The following ZNF831 variants were observed in gnomAD, a reference collection of about 807,000 sequenced individuals.
The protein encoded by ZNF831 is chromosome 20 open reading frame 174.
ZNF831 carries 59 observed loss-of-function variants against 95.8 expected under a neutral mutation model. That is an observed-to-expected ratio of 0.62 (90% confidence interval 0.50 to 0.77). The LOEUF (loss-of-function observed/expected upper bound fraction) is 0.77, where lower values mean the gene tolerates loss of function less well. Ranked by LOEUF, ZNF831 falls within the 30% of genes least tolerant of loss-of-function variation. ZNF831 has a pLI of 0.00. For missense variants in ZNF831, 2,205 were observed against 2,164.0 expected (o/e 1.02, Z -0.38); for synonymous variants, 961 against 925.5 (o/e 1.04, Z -0.70).
chr20:59,202,172 C>T lies in ZNF831; in HGVS notation c.3876-4733C>T, dbSNP rs531190834. Among the ~76,000 whole-genome samples the T allele has an allele frequency of 3.3e-5, 5 of 152,208 alleles. No individual in the cohort carries two copies. The East Asian group carries it at 9.7e-4, about 29-fold the overall frequency. On this transcript the variant is annotated intron_variant, in intron 3 of 5. Transcript: ENST00000371030. ...AGTCCCTGGCCTATTGCAGTGCCTC[C>T]TAGTTGATCTCCCCTACTTTTATTG...
Position 59,194,523 on chromosome 20 carries a change from C to T in ZNF831, c.3504C>T (p.His1168=). The part of the protein sequence containing the change: ...TSRSHSTRSP[H]STQNPFPSLK... ...GGAGCCACAGCACCCGCAGTCCCCACAGCACCCAAAACCCCTTTCCCTCAC... is the reference window on the plus strand; with the variant it reads ...GGAGCCACAGCACCCGCAGTCCCCATAGCACCCAAAACCCCTTTCCCTCAC... The change falls in exon 2 of 6, where the codon CAC becomes CAT. Residue 1168 remains histidine (H), a synonymous_variant. Transcript: ENST00000371030. The T allele has an allele frequency of 6.2e-7, 1 of 1,608,316 alleles. No individual in the cohort carries two copies.
chr20:59,196,093 A>G lies in ZNF831; in HGVS notation c.3875+88A>G, dbSNP rs571061915. ...TGAAAGGTATCCGTGTGCTCCAGAG[A>G]AAGAGTTCCTGTTTCCTAGGGTTTA... On this transcript the variant is annotated intron_variant, in intron 3 of 5. Transcript: ENST00000371030. The G allele has an allele frequency of 2.0e-6, 3 of 1,523,030 alleles. No homozygotes were observed. The South Asian group carries it at 3.8e-5, about 19-fold the overall frequency. 94.3% of individuals were successfully genotyped at this position (1,523,030 alleles called of 1,614,324 possible). A position where few individuals can be genotyped will look rare whatever the true frequency, so the allele number is the denominator to read the frequency against.
At chr20:59,138,468 G>A (rs938744924) in intron 1 of ZNF831, among the ~76,000 whole-genome samples, 1 of 152,184 alleles carries the variant, frequency 6.6e-6, no homozygotes, top group African/African-American at 2.4e-5. Context: ...CACTGTGCTT[G>A]TTTGCACCTC....
rs1324923935 is a variant in ZNF831 at position 59,191,230 on chromosome 20, C to A, written c.211C>A (p.Leu71Ile). ...PLYHTVPPGG[L>I]QPRAPLVTGS... ...GTACCACACGGTGCCTCCCGGGGGC[C>A]TCCAGCCCCGCGCCCCGCTAGTGAC... Residue 71 changes from leucine (L) to isoleucine (I), a missense_variant, in exon 2 of 6, where the codon CTC (leucine) becomes ATC (isoleucine). By Grantham distance (5) the Leu-to-Ile change is conservative. Transcript: ENST00000371030. 1 of 1,551,612 alleles carries A rather than the reference C, an allele frequency of 6.4e-7. No homozygotes were observed. Among genetic ancestry groups the A allele is most frequent in the South Asian group, 1.2e-5 (1 of 82,374 alleles).
intron 1 of ZNF831, among the ~76,000 whole-genome samples, chr20:59,170,900 G>A (rs190524968): frequency 3.7e-4 from 56 of 152,318 alleles, no homozygotes; most frequent in Non-Finnish European, 6.5e-4. Context: ...GGTGGGAGGT[G>A]GCAGGCAATC....
At chr20:59,226,533 G>C (rs377745039) in intron 4 of ZNF831, among the ~76,000 whole-genome samples, 2 of 151,558 alleles carry the variant, frequency 1.3e-5, no homozygotes, top group Non-Finnish European at 2.9e-5. Flanking sequence ...GCTCTTTCTC[G>C]TTCATGCCCG....
chr20:59,173,306 A>C (rs148923901), intron 1 of ZNF831, among the ~76,000 whole-genome samples: 1 of 152,246 alleles, frequency 6.6e-6, no homozygotes, highest in East Asian at 1.9e-4. Context: ...AGTAACTTGC[A>C]CCATTAATTT....
At chr20:59,224,954 G>A (rs553746324) in intron 4 of ZNF831, among the ~76,000 whole-genome samples, 22 of 147,624 alleles carry the variant, frequency 1.5e-4, no homozygotes, top group Admixed American at 4.1e-4. Flanking sequence ...TTTAAATTTT[G>A]TGATTTTTTT....
Position 59,194,019 on chromosome 20 carries a change from G to T in ZNF831, c.3000G>T (p.Glu1000Asp), listed in dbSNP as rs1264337568. 1 of 1,528,330 alleles carries T rather than the reference G, an allele frequency of 6.5e-7. No homozygotes were observed. Among genetic ancestry groups the T allele is most frequent in the Non-Finnish European group, 8.8e-7 (1 of 1,139,936 alleles). 94.7% of individuals were successfully genotyped at this position (1,528,330 alleles called of 1,614,324 possible). Reference sequence around the variant, plus strand: ...CAGCCTCAGGCCCCTCCCCAGGTGAGGCGGACAGCATCCTGGAGGACCCCA... The same window carrying T: ...CAGCCTCAGGCCCCTCCCCAGGTGATGCGGACAGCATCCTGGAGGACCCCA... ...PSPASGPSPGEADSILEDPSC... is the reference protein window; with the variant it reads ...PSPASGPSPGDADSILEDPSC... Residue 1000 changes from glutamate to aspartate, a missense_variant, in exon 2 of 6, where the codon GAG becomes GAT. Coordinates refer to ENST00000371030, the MANE Select transcript of ZNF831 (RefSeq NM_178457.3).
chr20:59,243,549 C>G (rs779013591), intron 4 of ZNF831, among the ~76,000 whole-genome samples: 2 of 152,184 alleles, frequency 1.3e-5, no homozygotes, highest in East Asian at 1.9e-4. Flanking sequence ...CAAATCGCCT[C>G]AAAATGTTTT....
In ZNF831 at chr20:59,191,070, A is replaced by G; in HGVS notation, c.51A>G (p.Pro17=). The change falls in exon 2 of 6, where the codon CCA becomes CCG. Residue 17 remains proline, a synonymous_variant. Transcript: ENST00000371030. ...TCPAPPARDQ[P]APTPGPPGAP... Reference sequence around the variant, plus strand: ...CTGCCCCTCCTGCGAGGGACCAGCCAGCTCCCACTCCTGGCCCTCCAGGGG... The same window carrying G: ...CTGCCCCTCCTGCGAGGGACCAGCCGGCTCCCACTCCTGGCCCTCCAGGGG... 1 of 1,516,726 alleles carries G rather than the reference A, an allele frequency of 6.6e-7. No homozygotes were observed. Among genetic ancestry groups the G allele is most frequent in the South Asian group, 1.3e-5 (1 of 77,544 alleles). 94.0% of individuals were successfully genotyped at this position (1,516,726 alleles called of 1,614,324 possible). A position where few individuals can be genotyped will look rare whatever the true frequency, so the allele number is the denominator to read the frequency against.
chr20:59,174,708 A>G (rs1003960813), intron 1 of ZNF831, among the ~76,000 whole-genome samples: 1 of 152,108 alleles, frequency 6.6e-6, no homozygotes, highest in African/African-American at 2.4e-5. Flanking sequence ...AGCCTGGGTG[A>G]CAAAGCAAGA....
chr20:59,161,183 C>T (rs1047446685), upstream of ZNF831, among the ~76,000 whole-genome samples: 2 of 152,188 alleles, frequency 1.3e-5, no homozygotes, highest in African/African-American at 2.4e-5. Context: ...AGTATATTCA[C>T]AAGGTTGTGC....
chr20:59,226,733 G>A (rs1240774753), intron 4 of ZNF831, among the ~76,000 whole-genome samples: 1 of 151,392 alleles, frequency 6.6e-6, no homozygotes, highest in African/African-American at 2.4e-5. Context: ...CTCACATTTT[G>A]CAAAGCAATT....
chr20:59,227,505 A>T (rs1004768255), intron 4 of ZNF831, among the ~76,000 whole-genome samples: 1 of 152,230 alleles, frequency 6.6e-6, no homozygotes, highest in African/African-American at 2.4e-5. Context: ...TTATTTTAAT[A>T]CAAACAGAAG....
intron 1 of ZNF831, among the ~76,000 whole-genome samples, chr20:59,171,323 TC>T (rs1305062496): frequency 6.6e-6 from 1 of 152,268 alleles, no homozygotes; most frequent in Non-Finnish European, 1.5e-5. Context: ...AAAGTTTGCA[TC>T]CCTTATCATA....
intron 1 of ZNF831, among the ~76,000 whole-genome samples, chr20:59,165,724 T>C (rs1981202252): frequency 1.3e-5 from 2 of 152,280 alleles, no homozygotes; most frequent in African/African-American, 2.4e-5. Flanking sequence ...ATGTTTTCAT[T>C]GCTTTCCTTG....
chr20:59,131,258 T>C (rs1451362688), intron 1 of ZNF831, among the ~76,000 whole-genome samples: 1 of 152,218 alleles, frequency 6.6e-6, no homozygotes, highest in Non-Finnish European at 1.5e-5. Flanking sequence ...TCACCATTTC[T>C]GTACTTCACG....
rs563066904 is a variant in ZNF831 at position 59,252,660 on chromosome 20, C to T, written c.4028-318C>T. Among the ~76,000 whole-genome samples the T allele has an allele frequency of 2.6e-5, 4 of 152,240 alleles. No individual in the cohort carries two copies. In the South Asian group the frequency reaches 8.3e-4, roughly 32 times the overall value. ...GAATTCAAGCTGATCTAAAATTTAC[C>T]TAAACAGACATGACCAGGAATACAA... On this transcript the variant is annotated intron_variant, in intron 4 of 5. Coordinates refer to ENST00000371030, the MANE Select transcript of ZNF831 (RefSeq NM_178457.3).
Sources: gnomAD v4.1 joint callset for allele counts (sites outside exome capture counted in the v4.1 genomes callset) on GRCh38, gnomAD v4.1.1 for gene constraint, MANE v1.5 for transcripts, NCBI Gene and HGNC (gene_info 2026-07-23, HGNC 2026-07-21) for gene names.